The following DRGX variants were observed in gnomAD, a reference collection of about 807,000 sequenced individuals.
DRGX encodes the protein dorsal root ganglia homeobox protein.
Under a neutral mutation model 28.6 loss-of-function variants are expected in DRGX, and 21 were observed. That is an observed-to-expected ratio of 0.73 (90% CI 0.52 to 1.06). The LOEUF is 1.06. Among genes scored for constraint, DRGX ranks in the 50% least tolerant of loss-of-function variants. DRGX has a pLI of 0.00. For missense variants in DRGX, 354 were observed against 343.9 expected (o/e 1.03, Z -0.23); for synonymous variants, 136 against 139.1 (o/e 0.98, Z 0.16).
intron 2 of DRGX, among the ~76,000 whole-genome samples, chr10:49,395,144 C>A (rs376367391): frequency 1.3e-5 from 2 of 152,212 alleles, no homozygotes; most frequent in Non-Finnish European, 2.9e-5. Context: ...TGGGAGGATT[C>A]GGCCGGTCCC....
chr10:49,370,471 C>T (rs1311499060), intron 6 of DRGX, among the ~76,000 whole-genome samples: 1 of 152,214 alleles, frequency 6.6e-6, no homozygotes, highest in Non-Finnish European at 1.5e-5. Context: ...CTCATCTGCA[C>T]CCCAAGCCTG....
At position 49,386,577 on chromosome 10, in the gene DRGX, C is replaced by G. The variant is rs747175928; in HGVS notation, c.427G>C (p.Val143Leu). 2.3e-5 allele frequency: 36 copies of G among 1,592,280 alleles called. No individual in the cohort carries two copies. The highest frequency in any genetic ancestry group is 3.0e-5 in the Non-Finnish European group (35 of 1,169,266). The change falls in exon 6 of 7, where the codon GTA becomes CTA. Residue 143 changes from valine to leucine, a missense_variant. Transcript: ENST00000374139. ...LEAQQSLGRT[V>L]GPAGPFFPSC... ...GGGAAGAAAGGCCCTGCAGGACCTA[C>G]CGTTCGCCCCAGGCTGGCAAAGGAA... is the stretch of plus-strand genomic sequence containing the variant.
chr10:49,382,557 C>T (rs1486406355), intron 6 of DRGX, among the ~76,000 whole-genome samples: 1 of 152,188 alleles, frequency 6.6e-6, no homozygotes, highest in Non-Finnish European at 1.5e-5. Context: ...CATTCCTTGC[C>T]CAGGCCTAGA....
intron 6 of DRGX, among the ~76,000 whole-genome samples, chr10:49,379,280 C>T (rs17009983): frequency 0.032 from 4,851 of 152,174 alleles, 205 homozygotes; most frequent in African/African-American, 0.093. Context: ...GTGAGTAAAA[C>T]GAGGCACATG....
chr10:49,386,239 G>A (rs1370902539), intron 6 of DRGX, among the ~76,000 whole-genome samples: 2 of 152,182 alleles, frequency 1.3e-5, no homozygotes. Flanking sequence ...GCCTGCTCTA[G>A]GACCAGCCCT....
intron 2 of DRGX, among the ~76,000 whole-genome samples, chr10:49,395,001 C>G (rs963247454): frequency 6.6e-6 from 1 of 152,212 alleles, no homozygotes; most frequent in African/African-American, 2.4e-5. Context: ...TCGTGCAGCT[C>G]GTGATCTGGG....
At chr10:49,377,581 C>G (rs532813547) in intron 6 of DRGX, among the ~76,000 whole-genome samples, 2 of 152,222 alleles carry the variant, frequency 1.3e-5, no homozygotes, top group Non-Finnish European at 2.9e-5. Context: ...CTTTTATACT[C>G]TTGGTATCCA....
intron 6 of DRGX, among the ~76,000 whole-genome samples, chr10:49,381,277 A>ACC (rs1849773495): frequency 6.6e-6 from 1 of 152,204 alleles, no homozygotes; most frequent in Non-Finnish European, 1.5e-5. Context: ...CCACCTGGTA[A>ACC]CCCTGCAGAC....
chr10:49,391,246 C>T lies in DRGX; in HGVS notation c.50G>A (p.Gly17Asp), dbSNP rs534038097. The T allele has an allele frequency of 1.1e-5, 17 of 1,610,628 alleles. No individual in the cohort carries two copies. Among genetic ancestry groups the T allele is most frequent in the South Asian group, 3.3e-5 (3 of 90,174 alleles). The part of the protein sequence containing the change: ...PPQLEGTATF[G>D]NHSSGDFDDG... ...ATCAAAATCCCCCGAAGAGTGATTG[C>T]CAAAGGTTGCAGTGCCTACCAAGAG... The change falls in exon 3 of 7, where the codon GGC becomes GAC. Residue 17 changes from glycine (G) to aspartate (D), a missense_variant. Physicochemically the swap from Gly to Asp is moderately conservative, Grantham distance 94 (BLOSUM62 -1). Transcript: ENST00000374139.
intron 2 of DRGX, among the ~76,000 whole-genome samples, chr10:49,392,978 G>A (rs1457046451): frequency 1.3e-5 from 2 of 152,112 alleles, no homozygotes; most frequent in East Asian, 3.8e-4. Flanking sequence ...ATTTGTAGGA[G>A]TACAAATTGG....
intron 2 of DRGX, among the ~76,000 whole-genome samples, chr10:49,394,959 T>G (rs1024497865): frequency 1.3e-5 from 2 of 152,192 alleles, no homozygotes; most frequent in Admixed American, 6.5e-5. Flanking sequence ...GCGGCCCCAG[T>G]GAGAGCAGCC....
intron 6 of DRGX, among the ~76,000 whole-genome samples, chr10:49,378,795 A>T (rs1033305291): frequency 6.6e-6 from 1 of 152,232 alleles, no homozygotes; most frequent in Non-Finnish European, 1.5e-5. Context: ...AAATCTTGTA[A>T]ACATAGTGCT....
chr10:49,368,426 C>T (rs1039492484), intron 6 of DRGX, among the ~76,000 whole-genome samples: 11 of 152,256 alleles, frequency 7.2e-5, no homozygotes, highest in African/African-American at 2.2e-4. Context: ...CCTGCAGGCC[C>T]GCTGGCCTCC....
intron 2 of DRGX, among the ~76,000 whole-genome samples, chr10:49,392,433 T>C (rs1036247819): frequency 6.6e-6 from 1 of 152,266 alleles, no homozygotes; most frequent in African/African-American, 2.4e-5. Flanking sequence ...CCAAATTGCA[T>C]TGTTCCTCAA....
chr10:49,383,268 T>G (rs1849797577), intron 6 of DRGX, among the ~76,000 whole-genome samples: 1 of 152,210 alleles, frequency 6.6e-6, no homozygotes, highest in Admixed American at 6.5e-5. Flanking sequence ...GGTTGCCTGG[T>G]AGAGCACAGG....
rs1849586123 is a variant in DRGX at position 49,365,269 on chromosome 10, GGCCC to G, written c.*843_*846del. ...CTGAAGGGCTTCTTCCCTCTCCAAG[GGCCC>G]TCAGGCCCTCCTGGACCAGAGAGCT... On this transcript the variant is annotated 3_prime_UTR_variant, in exon 7 of 7. Transcript: ENST00000374139. 2.6e-5 allele frequency: 4 copies of G among 152,184 alleles called. No individual in the cohort carries two copies. The highest frequency in any genetic ancestry group is 1.5e-5 in the Non-Finnish European group (1 of 68,066). 9.4% of individuals were successfully genotyped at this position (152,184 alleles called of 1,614,324 possible).
chr10:49,385,726 C>T (rs1465727576), intron 6 of DRGX, among the ~76,000 whole-genome samples: 1 of 152,200 alleles, frequency 6.6e-6, no homozygotes, highest in East Asian at 1.9e-4. Context: ...CTACAGCCTG[C>T]ACCTATGCCT....
At position 49,395,345 on chromosome 10, in the gene DRGX, G is replaced by T. The variant is rs1174089862; in HGVS notation, c.34+62C>A. 30 of 1,542,580 alleles carry T rather than the reference G, an allele frequency of 1.9e-5. No homozygotes were observed. The South Asian group carries it at 3.5e-4, about 18-fold the overall frequency. ...CCAGCCACCCACCAGCCCTGCTGCC[G>T]CTCCGGCCCTTTCTGGCCGGCTCTG... On this transcript the variant is annotated intron_variant, in intron 2 of 6. Transcript: ENST00000374139.
At chr10:49,366,698 T>C (rs1010005612) in intron 6 of DRGX, among the ~76,000 whole-genome samples, 3 of 152,224 alleles carry the variant, frequency 2.0e-5, no homozygotes, top group Non-Finnish European at 4.4e-5. Context: ...GGGTAATACC[T>C]ACATTGCAGG....
Sources: gnomAD v4.1 joint callset for allele counts (sites outside exome capture counted in the v4.1 genomes callset) on GRCh38, gnomAD v4.1.1 for gene constraint, MANE v1.5 for transcripts, NCBI Gene and HGNC (gene_info 2026-07-23, HGNC 2026-07-21) for gene names.